The following ROBO1 variants were observed in gnomAD, a reference collection of about 807,000 sequenced individuals.
The protein encoded by ROBO1 is roundabout homolog 1.
Under a neutral mutation model 195.9 loss-of-function variants are expected in ROBO1, and 149 were observed. The observed-to-expected ratio is 0.76, with a 90% CI of 0.67 to 0.87. The LOEUF (loss-of-function observed/expected upper bound fraction) is 0.87. Ranked by LOEUF, ROBO1 falls within the 40% of genes least tolerant of loss-of-function variation. ROBO1 has a pLI of 0.00. For missense variants in ROBO1, 1,933 were observed against 2,068.3 expected, an observed-to-expected ratio of 0.93 and a Z score of 1.27; for synonymous variants, 816 against 733.2, an observed-to-expected ratio of 1.11 and a Z score of -1.82.
At chr3:79,125,344 G>A (rs780913116) in intron 3 of ROBO1, 112 bp downstream of exon 3, 6 of 826,788 alleles carry the variant, frequency 7.3e-6, no homozygotes, top group Non-Finnish European at 1.2e-5. Context: ...AGAAATTGTG[G>A]TTGTTAGCTG....
At chr3:79,304,155 CA>C (rs1416570416) in intron 2 of ROBO1, among the ~76,000 whole-genome samples, 1 of 152,092 alleles carries the variant, frequency 6.6e-6, no homozygotes, top group Non-Finnish European at 1.5e-5. Context: ...AAAAGAAGCT[CA>C]AATAAGTAAT....
chr3:78,924,348 A>G (rs898546209), intron 4 of ROBO1, among the ~76,000 whole-genome samples: 1 of 139,148 alleles, frequency 7.2e-6, no homozygotes, highest in Non-Finnish European at 1.6e-5. Context: ...TAAATTATTT[A>G]TAAGAAAAAT....
chr3:79,516,287 A>G (rs1275442469), intron 2 of ROBO1, among the ~76,000 whole-genome samples: 1 of 152,198 alleles, frequency 6.6e-6, no homozygotes, highest in Non-Finnish European at 1.5e-5. Context: ...CCACTAGATC[A>G]AATGCTTTTA....
intron 2 of ROBO1, among the ~76,000 whole-genome samples, chr3:79,463,099 C>T (rs1456901018): frequency 6.6e-6 from 1 of 152,066 alleles, no homozygotes; most frequent in African/African-American, 2.4e-5. Context: ...CAAGGCCGGG[C>T]GAGGTGGCTC....
chr3:79,732,231 T>C (rs1703181624), intron 1 of ROBO1, among the ~76,000 whole-genome samples: 1 of 151,988 alleles, frequency 6.6e-6, no homozygotes, highest in African/African-American at 2.4e-5. Flanking sequence ...GCTACTATCA[T>C]ATATGAAGTC....
chr3:79,022,025 C>A (rs1189705595), intron 3 of ROBO1, among the ~76,000 whole-genome samples: 1 of 152,178 alleles, frequency 6.6e-6, no homozygotes, highest in African/African-American at 2.4e-5. Context: ...TTTTGGCCAG[C>A]CCCCTGATGA....
intron 23 of ROBO1, chr3:78,634,318 T>C (rs534693849): frequency 1.2e-5 from 2 of 166,400 alleles, no homozygotes; most frequent in Admixed American, 6.2e-5. Context: ...TAAATCACAA[T>C]ACATAAAAAT....
At chr3:78,962,057 C>T (rs2041379282) in intron 3 of ROBO1, among the ~76,000 whole-genome samples, 1 of 152,100 alleles carries the variant, frequency 6.6e-6, no homozygotes, top group Non-Finnish European at 1.5e-5. Context: ...TCAACCCTCA[C>T]ATTTTCCAAA....
Position 78,717,421 on chromosome 3 carries a change from TAA to T in ROBO1, c.779-10_779-9del, listed in dbSNP as rs2081929711. On this transcript the variant is annotated splice_polypyrimidine_tract_variant and intron_variant, in intron 6 of 30. Transcript: ENST00000464233. Reference sequence around the variant, plus strand: ...TCACAAATGATGGTCTCTCTAAAATTAAAAAGAGTCATCTTAAGGTAAAATTT... The same window carrying T: ...TCACAAATGATGGTCTCTCTAAAATTAAAGAGTCATCTTAAGGTAAAATTT... 4 of 1,612,662 alleles carry T rather than the reference TAA, an allele frequency of 2.5e-6. No homozygotes were observed. The highest frequency in any genetic ancestry group is 2.5e-6 in the Non-Finnish European group (3 of 1,179,042).
At chr3:79,027,868 T>C (rs566914891) in intron 3 of ROBO1, among the ~76,000 whole-genome samples, 74 of 152,194 alleles carry the variant, frequency 4.9e-4, no homozygotes, top group Non-Finnish European at 8.8e-4. Flanking sequence ...ATTTCAGTTA[T>C]GTATCATATG....
At chr3:79,083,996 T>C (rs1055256972) in intron 3 of ROBO1, among the ~76,000 whole-genome samples, 1 of 152,196 alleles carries the variant, frequency 6.6e-6, no homozygotes, top group Non-Finnish European at 1.5e-5. Flanking sequence ...AAGCTTGAGA[T>C]TTAAGCCACG....
intron 3 of ROBO1, among the ~76,000 whole-genome samples, chr3:79,107,606 T>A (rs930174578): frequency 2.0e-5 from 3 of 151,726 alleles, no homozygotes; most frequent in Non-Finnish European, 4.4e-5. Flanking sequence ...TGCTTGCATA[T>A]TAAAATGTTG....
At chr3:78,840,742 C>T (rs1215774242) in intron 4 of ROBO1, among the ~76,000 whole-genome samples, 1 of 152,130 alleles carries the variant, frequency 6.6e-6, no homozygotes, top group Admixed American at 6.6e-5. Context: ...AGCAAGCTTT[C>T]TAATTCTACT....
chr3:78,609,903 A>G (rs1309182097), intron 28 of ROBO1, among the ~76,000 whole-genome samples: 2 of 152,192 alleles, frequency 1.3e-5, no homozygotes, highest in Non-Finnish European at 2.9e-5. Context: ...AATTTTTTGA[A>G]ACTTATTTTC....
At chr3:79,318,633 TGAATGTTGAAACA>T (rs2033842308) in intron 2 of ROBO1, among the ~76,000 whole-genome samples, 1 of 152,180 alleles carries the variant, frequency 6.6e-6, no homozygotes, top group Non-Finnish European at 1.5e-5. Context: ...GACACACCAG[TGAATGTTGAAACA>T]GAATTCTGAT....
At chr3:79,297,386 A>G (rs2032649027) in intron 2 of ROBO1, among the ~76,000 whole-genome samples, 1 of 152,158 alleles carries the variant, frequency 6.6e-6, no homozygotes, top group Non-Finnish European at 1.5e-5. Context: ...GGACAATTAC[A>G]TAACTGTTTG....
Position 78,812,030 on chromosome 3 carries a change from A to T in ROBO1, c.500-65130T>A, listed in dbSNP as rs1026960339. ...TTTCCTAGCAAGGTGCCTGAATTTT[A>T]GGAGTCCTTTGATAATATGCTTGGA... On this transcript the variant is annotated intron_variant, in intron 4 of 30. Transcript: ENST00000464233. 7.7e-4 allele frequency among the ~76,000 whole-genome samples: 118 copies of T among 152,260 alleles called. 1 individual carries two copies. Among genetic ancestry groups the T allele is most frequent in the African/African-American group, 2.7e-3 (113 of 41,552 alleles).
At chr3:78,854,377 CATATAAT>C (rs1576294277) in intron 4 of ROBO1, among the ~76,000 whole-genome samples, 1 of 148,564 alleles carries the variant, frequency 6.7e-6, no homozygotes, top group African/African-American at 2.5e-5. Flanking sequence ...TAAATACATA[CATATAAT>C]ATATATGTGT....
rs186165246 is a variant in ROBO1 at position 78,997,128 on chromosome 3, A to G, written c.173-58201T>C. ...AGCCTCTACCACAAAGAACTATCTG[A>G]TCCAAAATGTGATTAGTGCTGGACT... On this transcript the variant is annotated intron_variant, in intron 3 of 30. Coordinates refer to ENST00000464233, the MANE Select transcript of ROBO1 (RefSeq NM_002941.4). 3.9e-3 allele frequency among the ~76,000 whole-genome samples: 597 copies of G among 152,266 alleles called. 5 individuals carry two copies. Among genetic ancestry groups the G allele is most frequent in the African/African-American group, 0.014 (568 of 41,554 alleles).
Sources: gnomAD v4.1 joint callset for allele counts (sites outside exome capture counted in the v4.1 genomes callset) on GRCh38, gnomAD v4.1.1 for gene constraint, MANE v1.5 for transcripts, NCBI Gene and HGNC (gene_info 2026-07-23, HGNC 2026-07-21) for gene names.